IL1RAPL2: variants seen among roughly 807,000 people sequenced by gnomAD.
IL1RAPL2 encodes interleukin 1 receptor accessory protein like 2.
Under a neutral mutation model 44.1 loss-of-function variants are expected in IL1RAPL2, and 3 were observed. That is an observed-to-expected ratio of 0.07 (90% CI 0.03 to 0.18). IL1RAPL2 has a LOEUF of 0.18. Among genes scored for constraint, IL1RAPL2 ranks in the 10% least tolerant of loss-of-function variants. The probability of loss-of-function intolerance (pLI) is 1.00; values close to 1 mark genes in which losing one functional copy is unlikely to be tolerated. For synonymous variants in IL1RAPL2, 181 were observed against 178.8 expected, an observed-to-expected ratio of 1.01 and a Z score of -0.10; for missense variants, 391 against 496.4, an observed-to-expected ratio of 0.79 and a Z score of 2.02.
intron 2 of IL1RAPL2, among the ~76,000 whole-genome samples, chrX:104,803,605 G>C (rs1932899954): frequency 8.9e-6 from 1 of 112,346 alleles, no homozygotes; most frequent in African/African-American, 3.2e-5. Context: ...TCCATCTTTT[G>C]TAAGAAATGT....
At position 105,702,618 on chromosome X, in the gene IL1RAPL2, A is replaced by T. The variant is rs369924709; in HGVS notation, c.773-14749A>T. Among the ~76,000 whole-genome samples, 26 of 111,910 alleles carry T rather than the reference A, an allele frequency of 2.3e-4. No individual in the cohort carries two copies. The East Asian group carries it at 7.1e-3, about 31-fold the overall frequency. ...CCACCTTTAGGAAGTAGGCATTATT[A>T]GTCCCATTTCAGTGATGAAAAGTAT... On this transcript the variant is annotated intron_variant, in intron 6 of 10. Coordinates refer to ENST00000372582, the MANE Select transcript of IL1RAPL2 (RefSeq NM_017416.2).
chrX:104,671,815 G>A (rs892539841), intron 2 of IL1RAPL2, among the ~76,000 whole-genome samples: 1 of 111,761 alleles, frequency 8.9e-6, no homozygotes, highest in African/African-American at 3.3e-5. Context: ...AACTGAGTAT[G>A]CCACCTATCA....
intron 5 of IL1RAPL2, among the ~76,000 whole-genome samples, chrX:105,303,414 C>T (rs1031232545): frequency 1.8e-5 from 2 of 111,627 alleles, no homozygotes; most frequent in Non-Finnish European, 1.9e-5. Flanking sequence ...AAACCATTTT[C>T]ATTATTTTCA....
At chrX:105,216,254 C>T (rs1556165852) in intron 3 of IL1RAPL2, among the ~76,000 whole-genome samples, 2 of 111,496 alleles carry the variant, frequency 1.8e-5, no homozygotes, top group Non-Finnish European at 3.8e-5. Context: ...TAAGCAACTT[C>T]AGCAAAGTCT....
rs1279222895 is a variant in IL1RAPL2, at chrX:104,992,315, GGA to G, written c.83-203156_83-203155del. Among the ~76,000 whole-genome samples the G allele has an allele frequency of 7.2e-5, 8 of 111,168 alleles. No homozygotes were observed. In the Admixed American group the frequency reaches 7.7e-4, roughly 11 times the overall value. ...TAAGCAGGGGAGTTAAATGAGTACA[GGA>G]GAGGTACACAGAGGGGTATACCTAA... is the stretch of plus-strand genomic sequence containing the variant. On this transcript the variant is annotated intron_variant, in intron 2 of 10. Coordinates refer to ENST00000372582, the MANE Select transcript of IL1RAPL2 (RefSeq NM_017416.2).
At chrX:104,873,737 T>A (rs1376457596) in intron 2 of IL1RAPL2, among the ~76,000 whole-genome samples, 1 of 111,669 alleles carries the variant, frequency 9.0e-6, no homozygotes, top group African/African-American at 3.3e-5. Flanking sequence ...GAGGTAGAAG[T>A]ATATAATCCT....
intron 2 of IL1RAPL2, among the ~76,000 whole-genome samples, chrX:105,143,796 A>G (rs2033149936): frequency 9.1e-6 from 1 of 110,440 alleles, no homozygotes; most frequent in Non-Finnish European, 1.9e-5. Flanking sequence ...CAATGAGAAC[A>G]TATGGACACA....
intron 6 of IL1RAPL2, among the ~76,000 whole-genome samples, chrX:105,595,589 GT>G (rs1287157869): frequency 6.4e-5 from 7 of 109,636 alleles, no homozygotes; most frequent in African/African-American, 2.4e-4. Context: ...GGCCTGTAGT[GT>G]TTTTTGTTGT....
intron 2 of IL1RAPL2, among the ~76,000 whole-genome samples, chrX:104,956,010 G>A (rs1409230698): frequency 8.9e-6 from 1 of 111,851 alleles, no homozygotes; most frequent in Non-Finnish European, 1.9e-5. Context: ...ACAAAGAGTG[G>A]GAGATCAGTA....
At chrX:104,779,201 A>G (rs181893303) in intron 2 of IL1RAPL2, among the ~76,000 whole-genome samples, 18 of 112,507 alleles carry the variant, frequency 1.6e-4, no homozygotes, top group Middle Eastern at 4.6e-3. Context: ...GTTTTTTGAC[A>G]GAATTTGAAG....
At chrX:105,218,890 C>A in intron 3 of IL1RAPL2, 1 of 1,024,893 alleles carries the variant, frequency 9.8e-7, no homozygotes, top group Non-Finnish European at 1.3e-6. Context: ...GCCCCCGCCA[C>A]CACAAGCCTG....
chrX:105,255,078 A>G (rs1201171125), intron 4 of IL1RAPL2, among the ~76,000 whole-genome samples: 1 of 111,307 alleles, frequency 9.0e-6, no homozygotes, highest in Non-Finnish European at 1.9e-5. Flanking sequence ...AAGTCCTGTG[A>G]AGAATATCAT....
chrX:104,880,294 G>GC (rs1923028123), intron 2 of IL1RAPL2, among the ~76,000 whole-genome samples: 1 of 110,914 alleles, frequency 9.0e-6, no homozygotes, highest in Non-Finnish European at 1.9e-5. Flanking sequence ...CTATAAGACA[G>GC]CCCTGCCAGA....
chrX:104,731,464 G>GCAGTCTCTACTCACTGCAGCGGCA (rs1265688787), intron 2 of IL1RAPL2, among the ~76,000 whole-genome samples: 15 of 111,313 alleles, frequency 1.3e-4, no homozygotes, highest in African/African-American at 4.6e-4. Flanking sequence ...ATGCAGTGGC[G>GCAGTCTCTACTCACTGCAGCGGCA]CAGTCTCTAC....
At chrX:104,567,147 G>A (rs1268652241) in intron 1 of IL1RAPL2, 96 bp downstream of exon 1, 4 of 113,170 alleles carry the variant, frequency 3.5e-5, no homozygotes, top group African/African-American at 1.3e-4. Flanking sequence ...CGCAGCCAAT[G>A]GAGGCTTTAT....
chrX:105,660,959 T>C (rs186587051), intron 6 of IL1RAPL2, among the ~76,000 whole-genome samples: 37 of 110,769 alleles, frequency 3.3e-4, no homozygotes, highest in Admixed American at 3.0e-3. Flanking sequence ...GTAAATGGAC[T>C]AAACTCTCCA....
At chrX:105,036,753 T>A (rs779535739) in intron 2 of IL1RAPL2, among the ~76,000 whole-genome samples, 1 of 111,849 alleles carries the variant, frequency 8.9e-6, no homozygotes, top group African/African-American at 3.2e-5. Flanking sequence ...AATACTTTTA[T>A]GGCATTGAAT....
intron 10 of IL1RAPL2, chrX:105,765,338 C>CCAGTT (rs1233531222): frequency 8.9e-6 from 1 of 112,128 alleles, no homozygotes; most frequent in African/African-American, 3.2e-5. Flanking sequence ...TTCTGTTTCA[C>CCAGTT]CAGTTCTCTA....
chrX:104,710,189 GT>G (rs1931433787), intron 2 of IL1RAPL2, among the ~76,000 whole-genome samples: 1 of 111,581 alleles, frequency 9.0e-6, no homozygotes, highest in South Asian at 3.7e-4. Context: ...GTACAGCCAT[GT>G]TTGTAGCAGC....
Sources: gnomAD v4.1 joint callset for allele counts (sites outside exome capture counted in the v4.1 genomes callset) on GRCh38, gnomAD v4.1.1 for gene constraint, MANE v1.5 for transcripts, NCBI Gene and HGNC (gene_info 2026-07-23, HGNC 2026-07-21) for gene names.